Variants in COG3 observed in about 807,000 individuals in gnomAD.
COG3 encodes component of oligomeric golgi complex 3.
Under a neutral mutation model 114.1 loss-of-function variants are expected in COG3, and 32 were observed. That is an observed-to-expected ratio of 0.28 (90% confidence interval 0.21 to 0.38). The LOEUF (loss-of-function observed/expected upper bound fraction) is 0.38, where lower values mean the gene tolerates loss of function less well. Ranked by LOEUF, COG3 falls within the 10% of genes least tolerant of loss-of-function variation. COG3 has a pLI of 1.00. For synonymous variants in COG3, 352 were observed against 365.7 expected, an observed-to-expected ratio of 0.96 and a Z score of 0.43; for missense variants, 813 against 973.2, an observed-to-expected ratio of 0.84 and a Z score of 2.19.
chr13:45,502,610 A>T (rs1370672189), intron 13 of COG3, among the ~76,000 whole-genome samples: 1 of 151,930 alleles, frequency 6.6e-6, no homozygotes. Flanking sequence ...TTCCTAATCA[A>T]TTCTCTGGCT....
intron 14 of COG3, among the ~76,000 whole-genome samples, chr13:45,503,642 G>GT (rs1233740256): frequency 1.3e-5 from 2 of 152,122 alleles, no homozygotes; most frequent in African/African-American, 2.4e-5. Flanking sequence ...GCTATAATGT[G>GT]TTTATGAAGA....
chr13:45,512,724 G>A, intron 16 of COG3, among the ~76,000 whole-genome samples: 1 of 151,826 alleles, frequency 6.6e-6, no homozygotes, highest in South Asian at 2.1e-4. Flanking sequence ...ACCTCCTGAG[G>A]TGAAGCAATT....
At chr13:45,532,695 AAGTAGCTG>A (rs1873272581) in intron 22 of COG3, among the ~76,000 whole-genome samples, 1 of 148,864 alleles carries the variant, frequency 6.7e-6, no homozygotes, top group South Asian at 2.1e-4. Flanking sequence ...TCAGCCTCCC[AAGTAGCTG>A]GGACTACAGG....
chr13:45,473,197 T>C (rs1210384595), intron 1 of COG3, among the ~76,000 whole-genome samples: 3 of 152,122 alleles, frequency 2.0e-5, no homozygotes, highest in African/African-American at 7.2e-5. Context: ...TTGCCATCTC[T>C]TTTTTCCCAT....
intron 13 of COG3, among the ~76,000 whole-genome samples, chr13:45,496,944 A>G (rs1026269105): frequency 6.6e-6 from 1 of 152,210 alleles, no homozygotes; most frequent in African/African-American, 2.4e-5. Flanking sequence ...AGGTGCTGGG[A>G]TTACTGGCGT....
chr13:45,531,546 T>C (rs1224785141), intron 22 of COG3, among the ~76,000 whole-genome samples: 1 of 152,064 alleles, frequency 6.6e-6, no homozygotes, highest in Non-Finnish European at 1.5e-5. Context: ...GAGTCTTTGT[T>C]GCCCAGGCTG....
At chr13:45,518,930 A>C in intron 18 of COG3, 30 bp from the exon 19 acceptor site, 1 of 1,613,796 alleles carries the variant, frequency 6.2e-7, no homozygotes, top group Non-Finnish European at 8.5e-7. Flanking sequence ...GCACATAAAA[A>C]CAGGAGGAAA....
chr13:45,482,619 A>T (rs1383454518), intron 6 of COG3, 146 bp downstream of exon 6: 1 of 486,526 alleles, frequency 2.1e-6, no homozygotes, highest in Non-Finnish European at 3.6e-6. Flanking sequence ...ATTTCTGTCC[A>T]AGGGAAAAAT....
chr13:45,534,507 T>C lies in COG3; in HGVS notation c.2458-195T>C, dbSNP rs912616992. 15 of 420,942 alleles carry C rather than the reference T, an allele frequency of 3.6e-5. No homozygotes were observed. The South Asian group carries it at 4.2e-4, about 12-fold the overall frequency. 26.1% of individuals were successfully genotyped at this position (420,942 alleles called of 1,614,324 possible). A position where few individuals can be genotyped will look rare whatever the true frequency, so the allele number is the denominator to read the frequency against. The stretch of plus-strand genomic sequence containing the variant: ...TGGGGCTCTAAACAACTTTTTTTTT[T>C]TCCATTCTAATTGCTTTATTTTATT... On this transcript the variant is annotated intron_variant, in intron 22 of 22. Transcript: ENST00000349995.
At position 45,493,483 on chromosome 13, in the gene COG3, A is replaced by G. The variant is rs767150179; in HGVS notation, c.1324A>G (p.Asn442Asp). 3.1e-6 allele frequency: 5 copies of G among 1,610,804 alleles called. No homozygotes were observed. The South Asian group carries it at 4.4e-5, about 14-fold the overall frequency. ...NEVLEDHVQN[N>D]AEQLGAFAAG... ...GGTGCTTGAAGATCATGTGCAGAACAATGGTAAATGAGTAGAAATGATCAT... is the reference window on the plus strand; with the variant it reads ...GGTGCTTGAAGATCATGTGCAGAACGATGGTAAATGAGTAGAAATGATCAT... The change falls in exon 12 of 23, where the codon AAT (asparagine) becomes GAT (aspartate). Residue 442 changes from asparagine to aspartate, a missense_variant. Transcript: ENST00000349995.
At chr13:45,485,191 C>G (rs4420419) in intron 7 of COG3, among the ~76,000 whole-genome samples, 1 of 133,858 alleles carries the variant, frequency 7.5e-6, no homozygotes, top group South Asian at 2.5e-4. Flanking sequence ...GCAGAGGCGC[C>G]CCTCACCTCC....
At chr13:45,509,845 G>A (rs761735992) in intron 15 of COG3, 29 bp downstream of exon 15, 5 of 1,531,580 alleles carry the variant, frequency 3.3e-6, no homozygotes, top group South Asian at 2.5e-5. Context: ...TGAATTGCTC[G>A]TTCTTTCACT....
At chr13:45,507,798 G>A (rs1169777661) in intron 14 of COG3, among the ~76,000 whole-genome samples, 1 of 150,214 alleles carries the variant, frequency 6.7e-6, no homozygotes, top group Non-Finnish European at 1.5e-5. Flanking sequence ...GCCTGGGTGT[G>A]GTGGCTCATG....
At chr13:45,510,592 T>C (rs1870753748) in intron 15 of COG3, among the ~76,000 whole-genome samples, 1 of 152,232 alleles carries the variant, frequency 6.6e-6, no homozygotes, top group South Asian at 2.1e-4. Context: ...GAACCCATTG[T>C]CATCACAGAC....
At chr13:45,474,045 C>T (rs915027109) in intron 1 of COG3, among the ~76,000 whole-genome samples, 39 of 152,058 alleles carry the variant, frequency 2.6e-4, no homozygotes, top group African/African-American at 8.9e-4. Context: ...GAGCCAGGCT[C>T]ATTTGTGGGG....
rs1171073191 is a variant in COG3 at position 45,516,268 on chromosome 13, T to G, written c.1930+5T>G. ...TGGACCTCAAGAAAACTAGAGGTAC[T>G]TTGCTGTCCTGGCTGGCACACTTGG... On this transcript the variant is annotated splice_donor_5th_base_variant and intron_variant, in intron 17 of 22. Transcript: ENST00000349995. 1 of 1,580,854 alleles carries G rather than the reference T, an allele frequency of 6.3e-7. No individual in the cohort carries two copies. The highest frequency in any genetic ancestry group is 8.6e-7 in the Non-Finnish European group (1 of 1,158,392).
chr13:45,495,875 C>T (rs1233712580), intron 12 of COG3, among the ~76,000 whole-genome samples: 1 of 152,012 alleles, frequency 6.6e-6, no homozygotes, highest in East Asian at 1.9e-4. Flanking sequence ...TATGAAATAA[C>T]TTTTAAAGAG....
rs1870960365 is a variant in COG3, at chr13:45,512,406, A to G, written c.1809+552A>G. 2.0e-5 allele frequency among the ~76,000 whole-genome samples: 3 copies of G among 152,110 alleles called. No homozygotes were observed. The South Asian group carries it at 6.2e-4, about 32-fold the overall frequency. ...AAGTGCAGTGGTGTGATCATAGCTC[A>G]CTGCAGCCTCTATCTCCTGAGCTCA... On this transcript the variant is annotated intron_variant, in intron 16 of 22. Coordinates refer to ENST00000349995, the MANE Select transcript of COG3 (RefSeq NM_031431.4).
At chr13:45,503,601 G>A (rs1408075087) in intron 14 of COG3, among the ~76,000 whole-genome samples, 1 of 152,178 alleles carries the variant, frequency 6.6e-6, no homozygotes, top group African/African-American at 2.4e-5. Context: ...GTGTGGGAAG[G>A]TGGGCTCAGT....
Sources: gnomAD v4.1 joint callset for allele counts (sites outside exome capture counted in the v4.1 genomes callset) on GRCh38, gnomAD v4.1.1 for gene constraint, MANE v1.5 for transcripts, NCBI Gene and HGNC (gene_info 2026-07-23, HGNC 2026-07-21) for gene names.